Variants in MGAT4C observed in about 807,000 individuals in gnomAD.
The protein encoded by MGAT4C is MGAT4 family member C.
A neutral mutation model predicts 40.1 loss-of-function variants in MGAT4C; 19 were observed. That is an observed-to-expected ratio of 0.47 (90% confidence interval 0.33 to 0.70). MGAT4C has a LOEUF of 0.70. Ranked by LOEUF, MGAT4C falls within the 30% of genes least tolerant of loss-of-function variation. The pLI is 0.02. For missense variants in MGAT4C, 491 were observed against 563.2 expected (o/e 0.87, Z 1.30); for synonymous variants, 181 against 187.1 (o/e 0.97, Z 0.27).
chr12:86,075,857 C>T (rs1459633857), intron 1 of MGAT4C, among the ~76,000 whole-genome samples: 1 of 152,166 alleles, frequency 6.6e-6, no homozygotes, highest in Non-Finnish European at 1.5e-5. Flanking sequence ...TCCTCCTGGG[C>T]CTCTGGGCCT....
intron 2 of MGAT4C, among the ~76,000 whole-genome samples, chr12:86,601,769 A>G (rs906615669): frequency 6.6e-6 from 1 of 152,142 alleles, no homozygotes; most frequent in Non-Finnish European, 1.5e-5. Flanking sequence ...GGAGCGGGGC[A>G]GAGGGACTGA....
chr12:86,570,118 G>C (rs1302535554), intron 2 of MGAT4C, among the ~76,000 whole-genome samples: 2 of 152,028 alleles, frequency 1.3e-5, no homozygotes, highest in Non-Finnish European at 2.9e-5. Context: ...ATACATTCAA[G>C]AGACCTATTG....
intron 1 of MGAT4C, among the ~76,000 whole-genome samples, chr12:86,050,783 T>C (rs1892824398): frequency 6.6e-6 from 1 of 152,050 alleles, no homozygotes; most frequent in African/African-American, 2.4e-5. Context: ...GCAAGAATAG[T>C]TGCAATTGGA....
intron 2 of MGAT4C, among the ~76,000 whole-genome samples, chr12:86,534,147 GAGAGTTTGCC>G (rs1959032422): frequency 6.6e-6 from 1 of 151,958 alleles, no homozygotes; most frequent in Admixed American, 6.6e-5. Flanking sequence ...AATTCACCAA[GAGAGTTTGCC>G]ACCGTTTTAG....
intron 1 of MGAT4C, among the ~76,000 whole-genome samples, chr12:86,829,476 A>C (rs1479563406): frequency 6.6e-6 from 1 of 151,568 alleles, no homozygotes; most frequent in Non-Finnish European, 1.5e-5. Context: ...CAATACTTAA[A>C]ACTTTCTACA....
intron 1 of MGAT4C, among the ~76,000 whole-genome samples, chr12:86,177,959 CAG>C (rs1475107621): frequency 1.3e-5 from 2 of 151,916 alleles, no homozygotes; most frequent in Non-Finnish European, 2.9e-5. Context: ...TTTTTTGAGA[CAG>C]AGTCTCACTC....
rs1951086746 is a variant in MGAT4C, at chr12:86,742,694, G to A, written c.-261-15453C>T. 2.0e-5 allele frequency among the ~76,000 whole-genome samples: 3 copies of A among 151,262 alleles called. No individual in the cohort carries two copies. In the Admixed American group the frequency reaches 2.0e-4, roughly 10 times the overall value. On this transcript the variant is annotated intron_variant, in intron 1 of 7. Coordinates refer to the MGAT4C transcript ENST00000548651. The stretch of plus-strand genomic sequence containing the variant: ...GAGGTTTGTTATGCAGCATTATCCT[G>A]GTAGAAAAATGGCAAACACTCCTTA...
In MGAT4C at chr12:85,966,549, G is replaced by A. The variant is rs573828170; in HGVS notation, c.*12740C>T. The A allele has an allele frequency of 2.6e-5, 4 of 152,038 alleles. No individual in the cohort carries two copies. The highest frequency in any genetic ancestry group is 4.4e-5 in the Non-Finnish European group (3 of 68,012). The allele number at this position is 152,038 out of a possible 1,614,324, so 9.4% of individuals were successfully genotyped here. A position where few individuals can be genotyped will look rare whatever the true frequency, so the allele number is the denominator to read the frequency against. Reference sequence around the variant, plus strand: ...TTTGACCCAGCCATCCCATTACTGGGTATATACCCAAAGGATTATAAATCA... The same window carrying A: ...TTTGACCCAGCCATCCCATTACTGGATATATACCCAAAGGATTATAAATCA... On this transcript the variant is annotated 3_prime_UTR_variant, in exon 5 of 5. Transcript: ENST00000611864.
intron 2 of MGAT4C, among the ~76,000 whole-genome samples, chr12:86,614,227 A>G (rs1030572937): frequency 3.3e-5 from 5 of 152,182 alleles, no homozygotes; most frequent in African/African-American, 1.2e-4. Context: ...CTCTGTAACA[A>G]GCAGATTACA....
intron 2 of MGAT4C, among the ~76,000 whole-genome samples, chr12:86,603,457 T>C (rs1961874665): frequency 8.5e-6 from 1 of 117,382 alleles, no homozygotes. Context: ...CTATAGACTA[T>C]ATAATATATA....
intron 1 of MGAT4C, among the ~76,000 whole-genome samples, chr12:86,063,987 T>G (rs943964771): frequency 6.6e-6 from 1 of 152,114 alleles, no homozygotes; most frequent in African/African-American, 2.4e-5. Flanking sequence ...ATTAGACAGA[T>G]CAACAATACA....
At chr12:86,469,517 CA>C (rs1202155845) in intron 2 of MGAT4C, among the ~76,000 whole-genome samples, 1 of 152,110 alleles carries the variant, frequency 6.6e-6, no homozygotes, top group Admixed American at 6.5e-5. Context: ...AGGTCATCAG[CA>C]ACTGAGGCCT....
intron 2 of MGAT4C, among the ~76,000 whole-genome samples, chr12:86,720,650 G>A (rs1016824497): frequency 6.6e-6 from 1 of 151,696 alleles, no homozygotes; most frequent in South Asian, 2.1e-4. Flanking sequence ...TGGATCAGGA[G>A]CAATAAGAAA....
chr12:86,358,311 A>G (rs1337764265), intron 3 of MGAT4C, among the ~76,000 whole-genome samples: 2 of 152,222 alleles, frequency 1.3e-5, no homozygotes, highest in African/African-American at 2.4e-5. Context: ...CTGCCTTCCA[A>G]GAGGTCCTGA....
chr12:86,437,383 T>C (rs1473879072), intron 2 of MGAT4C, among the ~76,000 whole-genome samples: 3 of 151,888 alleles, frequency 2.0e-5, no homozygotes, highest in Middle Eastern at 3.4e-3. Context: ...CATAATATGG[T>C]TGTAGGAGTA....
At position 86,768,715 on chromosome 12, in the gene MGAT4C, A is replaced by C. The variant is rs947436530; in HGVS notation, c.-261-41474T>G. ...ATAGAGCCCTCAGAAATAACGCCGC[A>C]TATCTACAACTATCTGATCTTTGAC... On this transcript the variant is annotated intron_variant, in intron 1 of 7. Coordinates refer to the MGAT4C transcript ENST00000548651. 2.8e-4 allele frequency among the ~76,000 whole-genome samples: 42 copies of C among 151,784 alleles called. 1 individual carries two copies. The highest frequency in any genetic ancestry group is 4.1e-4 in the Non-Finnish European group (28 of 67,952).
At chr12:86,544,146 A>C (rs75809935) in intron 2 of MGAT4C, among the ~76,000 whole-genome samples, 10,560 of 152,184 alleles carry the variant, frequency 0.069, 884 homozygotes, top group East Asian at 0.24. Context: ...AAGAGAGGAG[A>C]AGCTTTCCAC....
intron 2 of MGAT4C, among the ~76,000 whole-genome samples, chr12:86,005,149 A>G (rs1184329875): frequency 6.6e-6 from 1 of 152,128 alleles, no homozygotes; most frequent in Non-Finnish European, 1.5e-5. Context: ...CCTTGCCAAT[A>G]AACTCATGAT....
chr12:86,672,981 A>G (rs192226445), intron 2 of MGAT4C, among the ~76,000 whole-genome samples: 11 of 152,256 alleles, frequency 7.2e-5, no homozygotes, highest in African/African-American at 2.4e-4. Flanking sequence ...ATATTAAAAT[A>G]ATTAGCTTTT....
Sources: allele counts gnomAD v4.1 joint callset (sites outside exome capture counted in the v4.1 genomes callset), GRCh38; gene constraint gnomAD v4.1.1; transcripts MANE v1.5; gene names NCBI Gene and HGNC (gene_info 2026-07-23, HGNC 2026-07-21).